The following PRKCE variants were observed in gnomAD, a reference collection of about 807,000 sequenced individuals.
PRKCE encodes the protein protein kinase C epsilon type.
Under a neutral mutation model 85.4 loss-of-function variants are expected in PRKCE, and 16 were observed. The observed-to-expected ratio is 0.19, with a 90% CI of 0.13 to 0.28. The LOEUF (loss-of-function observed/expected upper bound fraction) is 0.28. Among genes scored for constraint, PRKCE ranks in the 10% least tolerant of loss-of-function variants. PRKCE has a pLI of 1.00. For missense variants in PRKCE, 573 were observed against 975.2 expected, an observed-to-expected ratio of 0.59 and a Z score of 5.49; for synonymous variants, 388 against 371.5, an observed-to-expected ratio of 1.04 and a Z score of -0.51.
chr2:46,084,330 C>G (rs1296580740), intron 10 of PRKCE, among the ~76,000 whole-genome samples: 1 of 152,108 alleles, frequency 6.6e-6, no homozygotes, highest in Non-Finnish European at 1.5e-5. Flanking sequence ...GATAGATATG[C>G]TTTGTAAATA....
chr2:45,816,065 T>C (rs904354429), intron 1 of PRKCE, among the ~76,000 whole-genome samples: 1 of 152,258 alleles, frequency 6.6e-6, no homozygotes, highest in African/African-American at 2.4e-5. Context: ...TCTTGGCCTG[T>C]AAAGAGTACT....
At chr2:45,941,723 C>T (rs1699890507) in intron 2 of PRKCE, among the ~76,000 whole-genome samples, 1 of 152,132 alleles carries the variant, frequency 6.6e-6, no homozygotes, top group South Asian at 2.1e-4. Context: ...TTCAAGCATG[C>T]ACTGGAAGAG....
intron 2 of PRKCE, among the ~76,000 whole-genome samples, chr2:45,929,084 C>T (rs765005227): frequency 6.6e-6 from 1 of 152,214 alleles, no homozygotes; most frequent in Admixed American, 6.5e-5. Context: ...ACCCTCACTT[C>T]ATCTCGAGAG....
chr2:45,732,098 C>G (rs532912091), intron 1 of PRKCE, among the ~76,000 whole-genome samples: 74 of 152,258 alleles, frequency 4.9e-4, no homozygotes, highest in African/African-American at 1.8e-3. Context: ...AAGGGCCATA[C>G]CATCTTATCA....
intron 1 of PRKCE, among the ~76,000 whole-genome samples, chr2:45,659,966 G>T (rs1002990037): frequency 6.6e-6 from 1 of 151,856 alleles, no homozygotes; most frequent in East Asian, 1.9e-4. Flanking sequence ...TTTGTTCACC[G>T]CTTTATCTCA....
intron 1 of PRKCE, among the ~76,000 whole-genome samples, chr2:45,685,070 T>C (rs988396963): frequency 7.9e-5 from 12 of 152,272 alleles, no homozygotes; most frequent in Non-Finnish European, 1.3e-4. Flanking sequence ...AGGAAGGTGC[T>C]GAATCAAGAC....
chr2:46,176,639 T>G (rs1216977241), intron 14 of PRKCE, among the ~76,000 whole-genome samples: 1 of 152,192 alleles, frequency 6.6e-6, no homozygotes, highest in East Asian at 1.9e-4. Context: ...ATTTGTATCT[T>G]TATTCCAGCA....
intron 1 of PRKCE, among the ~76,000 whole-genome samples, chr2:45,840,724 A>G (rs1443307531): frequency 6.6e-6 from 1 of 152,146 alleles, no homozygotes; most frequent in East Asian, 1.9e-4. Context: ...TCTCTCAACC[A>G]TTAGAGGCTG....
chr2:45,803,125 A>G (rs534512607), intron 1 of PRKCE, among the ~76,000 whole-genome samples: 1 of 152,362 alleles, frequency 6.6e-6, no homozygotes, highest in East Asian at 1.9e-4. Flanking sequence ...TTCAAAATTT[A>G]ACATGTCTCA....
intron 1 of PRKCE, among the ~76,000 whole-genome samples, chr2:45,725,964 C>T (rs1681037523): frequency 6.6e-6 from 1 of 152,112 alleles, no homozygotes; most frequent in Admixed American, 6.5e-5. Flanking sequence ...TTGTGGGTTT[C>T]AGTACTTCAG....
intron 1 of PRKCE, among the ~76,000 whole-genome samples, chr2:45,729,227 T>C (rs1030119079): frequency 2.6e-5 from 4 of 152,172 alleles, no homozygotes; most frequent in African/African-American, 7.2e-5. Context: ...TTAATTCACA[T>C]AGGGCGGTGG....
intron 2 of PRKCE, among the ~76,000 whole-genome samples, chr2:45,939,976 A>T (rs577958595): frequency 2.0e-5 from 3 of 152,312 alleles, no homozygotes; most frequent in Non-Finnish European, 2.9e-5. Context: ...CAGCAAGTGC[A>T]TTCAGAAATA....
intron 1 of PRKCE, among the ~76,000 whole-genome samples, chr2:45,746,288 C>T (rs1336446291): frequency 6.6e-6 from 1 of 152,192 alleles, no homozygotes; most frequent in Non-Finnish European, 1.5e-5. Flanking sequence ...GTATATCCAA[C>T]TCTCTGGGTA....
intron 1 of PRKCE, among the ~76,000 whole-genome samples, chr2:45,683,503 A>G (rs1677063885): frequency 6.6e-6 from 1 of 152,238 alleles, no homozygotes; most frequent in Non-Finnish European, 1.5e-5. Flanking sequence ...AAGTAGTTCT[A>G]GACCCAACTG....
chr2:45,976,454 G>C lies in PRKCE; in HGVS notation c.438G>C (p.Val146=), dbSNP rs375427115. 1.3e-6 allele frequency: 2 copies of C among 1,599,640 alleles called. No homozygotes were observed. Among genetic ancestry groups the C allele is most frequent in the African/African-American group, 2.7e-5 (2 of 74,934 alleles). The change falls in exon 3 of 15, where the codon GTG becomes GTC. Residue 146 remains valine, a synonymous_variant. Coordinates refer to ENST00000306156, the MANE Select transcript of PRKCE (RefSeq NM_005400.3). ...GEAPKDNEER[V]FRERMRPRKR... The stretch of plus-strand genomic sequence containing the variant: ...CCCCTAAAGACAATGAAGAGCGTGT[G>C]TTCAGGGAACGCATGCGGCCGAGGA...
intron 1 of PRKCE, among the ~76,000 whole-genome samples, chr2:45,820,542 T>C (rs1573487646): frequency 6.6e-6 from 1 of 151,722 alleles, no homozygotes; most frequent in South Asian, 2.1e-4. Flanking sequence ...CAGGGCTGGG[T>C]TTTGAAGGAT....
chr2:46,124,419 G>C (rs189237130), intron 11 of PRKCE, among the ~76,000 whole-genome samples: 1 of 152,180 alleles, frequency 6.6e-6, no homozygotes, highest in Non-Finnish European at 1.5e-5. Context: ...ATGTAATAAG[G>C]AATATGAATA....
At chr2:45,726,979 G>A (rs78679851) in intron 1 of PRKCE, among the ~76,000 whole-genome samples, 5,412 of 152,200 alleles carry the variant, frequency 0.036, 230 homozygotes, top group East Asian at 0.14. Context: ...TGTATGCGAA[G>A]GCTTAATATT....
chr2:46,085,734 C>T (rs1345588091), intron 10 of PRKCE, among the ~76,000 whole-genome samples: 2 of 92,564 alleles, frequency 2.2e-5, no homozygotes, highest in African/African-American at 1.0e-4. Context: ...TCTGCAAAAT[C>T]CGTTTTTTTT....
Sources: gnomAD v4.1 joint callset for allele counts (sites outside exome capture counted in the v4.1 genomes callset) on GRCh38, gnomAD v4.1.1 for gene constraint, MANE v1.5 for transcripts, NCBI Gene and HGNC (gene_info 2026-07-23, HGNC 2026-07-21) for gene names.